The following UBE2E2 variants were observed in gnomAD, a reference collection of about 807,000 sequenced individuals.
UBE2E2 encodes ubiquitin conjugating enzyme E2 E2, also known as ubiquitin-conjugating enzyme E2 E2.
Under a neutral mutation model 24.7 loss-of-function variants are expected in UBE2E2, and 6 were observed. The ratio of observed to expected loss-of-function variants is 0.24; its 90% CI spans 0.13 to 0.48. The LOEUF (loss-of-function observed/expected upper bound fraction) is 0.48. Among genes scored for constraint, UBE2E2 ranks in the 20% least tolerant of loss-of-function variants. UBE2E2 has a pLI of 0.99. For missense variants in UBE2E2, 169 were observed against 245.0 expected (o/e 0.69, Z 2.07); for synonymous variants, 104 against 83.6 (o/e 1.24, Z -1.33).
intron 3 of UBE2E2, among the ~76,000 whole-genome samples, chr3:23,238,728 C>T (rs966069988): frequency 6.6e-6 from 1 of 152,144 alleles, no homozygotes; most frequent in Non-Finnish European, 1.5e-5. Flanking sequence ...ATTTATGTTT[C>T]TTACACACCT....
At chr3:23,401,591 C>G (rs867366577) in intron 3 of UBE2E2, among the ~76,000 whole-genome samples, 9 of 152,146 alleles carry the variant, frequency 5.9e-5, no homozygotes, top group Non-Finnish European at 1.3e-4. Flanking sequence ...TTCTAACTTT[C>G]TCCTCCTGTC....
At chr3:23,367,943 C>A (rs1696304807) in intron 3 of UBE2E2, among the ~76,000 whole-genome samples, 1 of 152,092 alleles carries the variant, frequency 6.6e-6, no homozygotes, top group Admixed American at 6.6e-5. Context: ...TCACAGAAAT[C>A]TTCTGTGTTG....
At chr3:23,464,409 A>G (rs998680768) in intron 3 of UBE2E2, among the ~76,000 whole-genome samples, 1 of 152,164 alleles carries the variant, frequency 6.6e-6, no homozygotes, top group Non-Finnish European at 1.5e-5. Context: ...TCTGCATAAT[A>G]TCAACCATTG....
intron 3 of UBE2E2, among the ~76,000 whole-genome samples, chr3:23,259,648 A>G (rs1440139731): frequency 1.3e-5 from 2 of 152,286 alleles, no homozygotes; most frequent in Admixed American, 6.5e-5. Context: ...GCTGTATTAC[A>G]TGTGTGAATA....
At chr3:23,290,779 G>A (rs1488552354) in intron 3 of UBE2E2, among the ~76,000 whole-genome samples, 2 of 150,826 alleles carry the variant, frequency 1.3e-5, no homozygotes, top group Non-Finnish European at 3.0e-5. Context: ...CTGGCCAGGC[G>A]TGGTGGCTCT....
At chr3:23,380,466 TCCTC>T (rs1372353410) in intron 3 of UBE2E2, among the ~76,000 whole-genome samples, 1 of 152,140 alleles carries the variant, frequency 6.6e-6, no homozygotes, top group African/African-American at 2.4e-5. Flanking sequence ...CCTCAAGTGA[TCCTC>T]CCGCCTCCAC....
intron 3 of UBE2E2, among the ~76,000 whole-genome samples, chr3:23,414,134 C>T (rs1012266815): frequency 2.0e-5 from 3 of 152,120 alleles, no homozygotes; most frequent in Admixed American, 1.3e-4. Flanking sequence ...TGAGAAATTC[C>T]ATGTTAATGA....
At chr3:23,291,080 A>AAG (rs1553599212) in intron 3 of UBE2E2, among the ~76,000 whole-genome samples, 1 of 146,424 alleles carries the variant, frequency 6.8e-6, no homozygotes, top group African/African-American at 2.5e-5. Context: ...AAAAAAAAAA[A>AAG]ACAAAAAACG....
intron 3 of UBE2E2, among the ~76,000 whole-genome samples, chr3:23,485,203 A>C (rs1699338725): frequency 6.7e-6 from 1 of 149,550 alleles, no homozygotes; most frequent in South Asian, 2.1e-4. Context: ...CAAACCTCCC[A>C]AGTAATCTCA....
chr3:23,376,120 T>C (rs573404632), intron 3 of UBE2E2, among the ~76,000 whole-genome samples: 7 of 152,190 alleles, frequency 4.6e-5, no homozygotes, highest in Non-Finnish European at 1.0e-4. Context: ...GTATGTGCCA[T>C]GTATATCCTC....
intron 3 of UBE2E2, among the ~76,000 whole-genome samples, chr3:23,321,905 G>A (rs1575559828): frequency 2.0e-5 from 3 of 151,424 alleles, no homozygotes; most frequent in Admixed American, 2.0e-4. Context: ...AGATTGGGAT[G>A]ACATATAATT....
intron 3 of UBE2E2, among the ~76,000 whole-genome samples, chr3:23,372,476 G>A (rs1696422501): frequency 6.6e-6 from 1 of 152,082 alleles, no homozygotes; most frequent in African/African-American, 2.4e-5. Context: ...TGTCAGCAGG[G>A]GGTTAGCAGC....
At chr3:23,355,307 C>G (rs1423881202) in intron 3 of UBE2E2, among the ~76,000 whole-genome samples, 2 of 151,924 alleles carry the variant, frequency 1.3e-5, no homozygotes, top group Admixed American at 6.6e-5. Context: ...TGCAGCACAC[C>G]AGCATGGCAA....
chr3:23,574,005 TGTG>T (rs984827751), intron 5 of UBE2E2, among the ~76,000 whole-genome samples: 60 of 152,036 alleles, frequency 3.9e-4, no homozygotes, highest in African/African-American at 1.4e-3. Flanking sequence ...TAAAAAAAAA[TGTG>T]GTACATATAT....
intron 3 of UBE2E2, among the ~76,000 whole-genome samples, chr3:23,419,779 C>CTT (rs1221736380): frequency 6.6e-6 from 1 of 152,092 alleles, no homozygotes; most frequent in East Asian, 1.9e-4. Flanking sequence ...ATGAATGAGT[C>CTT]TTTGGTTTCA....
At chr3:23,425,697 G>C (rs185828911) in intron 3 of UBE2E2, among the ~76,000 whole-genome samples, 1 of 152,230 alleles carries the variant, frequency 6.6e-6, no homozygotes, top group East Asian at 1.9e-4. Context: ...ATACAAGCTT[G>C]AGAGTGAAAA....
chr3:23,502,001 A>G (rs981875015), intron 4 of UBE2E2, among the ~76,000 whole-genome samples: 5 of 152,192 alleles, frequency 3.3e-5, no homozygotes, highest in Admixed American at 2.6e-4. Context: ...GCAAATTATC[A>G]ACTCCTAATA....
chr3:23,342,128 A>G (rs769803500), intron 3 of UBE2E2, among the ~76,000 whole-genome samples: 28 of 151,242 alleles, frequency 1.9e-4, no homozygotes, highest in Non-Finnish European at 3.7e-4. Flanking sequence ...AACACTATTT[A>G]TTTCTGTCTA....
chr3:23,512,210 T>TC (rs1694612564), intron 4 of UBE2E2, among the ~76,000 whole-genome samples: 1 of 137,186 alleles, frequency 7.3e-6, no homozygotes, highest in Non-Finnish European at 1.6e-5. Context: ...TTTTTTTTTT[T>TC]CTATTTATTT....
Sources: allele counts gnomAD v4.1 joint callset (sites outside exome capture counted in the v4.1 genomes callset), GRCh38; gene constraint gnomAD v4.1.1; transcripts MANE v1.5; gene names NCBI Gene and HGNC (gene_info 2026-07-23, HGNC 2026-07-21).